NTN1: variants seen among roughly 807,000 people sequenced by gnomAD.
NTN1 encodes the protein netrin-1.
A neutral mutation model predicts 54.2 loss-of-function variants in NTN1; 11 were observed. That is an observed-to-expected ratio of 0.20 (90% CI 0.13 to 0.34). The LOEUF is 0.34. NTN1 is among the 10% of genes least tolerant of loss of function. The probability of loss-of-function intolerance (pLI) is 1.00; values close to 1 mark genes in which losing one functional copy is unlikely to be tolerated. For missense variants in NTN1, 740 were observed against 893.1 expected, an observed-to-expected ratio of 0.83 and a Z score of 2.18; for synonymous variants, 371 against 382.0, an observed-to-expected ratio of 0.97 and a Z score of 0.33.
chr17:9,053,241 G>A (rs1159576591), intron 2 of NTN1, among the ~76,000 whole-genome samples: 1 of 152,158 alleles, frequency 6.6e-6, no homozygotes, highest in Non-Finnish European at 1.5e-5. Flanking sequence ...CTTATTATCT[G>A]GCTCTTTACA....
In NTN1 at chr17:9,221,745, T is replaced by G. The variant is rs1905365681; in HGVS notation, c.1486+503T>G. Among the ~76,000 whole-genome samples the G allele has an allele frequency of 6.6e-6, 1 of 152,160 alleles. No homozygotes were observed. Among genetic ancestry groups the G allele is most frequent in the South Asian group, 2.1e-4 (1 of 4,824 alleles). On this transcript the variant is annotated intron_variant, in intron 6 of 6. Transcript: ENST00000173229. The surrounding 1 kb of genome is among the most constrained non-coding windows in gnomAD (Gnocchi z 4.5). ...ACCACTCATTCCCATGCACCGGAAG[T>G]TCCGCTGCCCAGACCCATGGAGCAG...
chr17:9,060,534 A>T (rs1490073465), intron 2 of NTN1, among the ~76,000 whole-genome samples: 1 of 152,202 alleles, frequency 6.6e-6, no homozygotes, highest in Non-Finnish European at 1.5e-5. Flanking sequence ...TGTGAATTTT[A>T]TAACAGAAGA....
At chr17:9,098,220 G>GTGACCCTGATGCGCCA (rs2092138434) in intron 2 of NTN1, among the ~76,000 whole-genome samples, 1 of 152,184 alleles carries the variant, frequency 6.6e-6, no homozygotes, top group Non-Finnish European at 1.5e-5. Flanking sequence ...ACCTGTTCGT[G>GTGACCCTGATGCGCCA]TGACCCTGAT....
At chr17:9,111,327 G>A (rs995364587) in intron 2 of NTN1, among the ~76,000 whole-genome samples, 4 of 152,190 alleles carry the variant, frequency 2.6e-5, no homozygotes, top group African/African-American at 9.7e-5. Flanking sequence ...GTTAGGTCAT[G>A]GACATATCTT....
intron 2 of NTN1, among the ~76,000 whole-genome samples, chr17:9,107,253 T>C (rs1007951146): frequency 1.3e-5 from 2 of 152,274 alleles, no homozygotes; most frequent in Non-Finnish European, 2.9e-5. Flanking sequence ...CCAACACTAA[T>C]GTCTGTACCA....
At chr17:9,170,896 A>C (rs2092385601) in intron 3 of NTN1, among the ~76,000 whole-genome samples, 1 of 132,416 alleles carries the variant, frequency 7.6e-6, no homozygotes, top group Admixed American at 8.3e-5. Context: ...ACACACACAC[A>C]CTGGGAATCA....
chr17:9,095,544 C>T (rs1257082243), intron 2 of NTN1, among the ~76,000 whole-genome samples: 1 of 152,198 alleles, frequency 6.6e-6, no homozygotes, highest in African/African-American at 2.4e-5. Flanking sequence ...TGGTCTGTTT[C>T]TGGAGTTCTT....
chr17:9,184,869 A>T (rs1178295773), intron 5 of NTN1, among the ~76,000 whole-genome samples: 1 of 152,252 alleles, frequency 6.6e-6, no homozygotes, highest in African/African-American at 2.4e-5. Flanking sequence ...GCTCCGCCAG[A>T]CAAAAGATTC....
the NTN1 span, among the ~76,000 whole-genome samples, chr17:9,013,377 C>T: frequency 2.0e-5 from 3 of 151,946 alleles, no homozygotes; most frequent in Non-Finnish European, 4.4e-5. Context: ...CCACCACACC[C>T]GGCTTATTTT....
At chr17:9,200,055 C>A (rs1904739314) in intron 5 of NTN1, among the ~76,000 whole-genome samples, 1 of 152,234 alleles carries the variant, frequency 6.6e-6, no homozygotes, top group Non-Finnish European at 1.5e-5. Context: ...GCTTAACCAG[C>A]CAAGCTAACC....
rs906001092 is a variant in NTN1 at position 9,221,695 on chromosome 17, C to T, written c.1486+453C>T. On this transcript the variant is annotated intron_variant, in intron 6 of 6. Coordinates refer to ENST00000173229, the MANE Select transcript of NTN1 (RefSeq NM_004822.3). This position sits in a 1 kb window ranked among gnomAD's most constrained non-coding sequence, Gnocchi z 4.5. ...GTGTTCCGCCAGGCTGTAGCGGGGC[C>T]GGGAGTCTGCGCTGTAAACGGCTCA... is the stretch of plus-strand genomic sequence containing the variant. 2.6e-5 allele frequency among the ~76,000 whole-genome samples: 4 copies of T among 152,220 alleles called. No homozygotes were observed. The highest frequency in any genetic ancestry group is 4.4e-5 in the Non-Finnish European group (3 of 68,044).
intron 2 of NTN1, among the ~76,000 whole-genome samples, chr17:9,103,964 C>G (rs2092158037): frequency 6.6e-6 from 1 of 151,618 alleles, no homozygotes; most frequent in Non-Finnish European, 1.5e-5. Flanking sequence ...TGGTGGATGC[C>G]TGTAGTCCCA....
At position 9,239,911 on chromosome 17, in the gene NTN1, G is replaced by A. The variant is rs1906131723; in HGVS notation, c.1758G>A (p.Ala586=). The part of the protein sequence containing the change: ...SLVIQWRDTW[A]RRLRKFQQRE... ...TGATCCAGTGGCGGGACACGTGGGCGCGGCGGCTGCGCAAGTTCCAGCAGC... is the reference window on the plus strand; with the variant it reads ...TGATCCAGTGGCGGGACACGTGGGCACGGCGGCTGCGCAAGTTCCAGCAGC... Residue 586 remains alanine, a synonymous_variant, in exon 7 of 7, where the codon GCG becomes GCA. Coordinates refer to ENST00000173229, the MANE Select transcript of NTN1 (RefSeq NM_004822.3). The surrounding 1 kb of genome is among the most constrained non-coding windows in gnomAD (Gnocchi z 5.2). 3 of 1,604,596 alleles carry A rather than the reference G, an allele frequency of 1.9e-6. No homozygotes were observed. The highest frequency in any genetic ancestry group is 2.2e-5 in the South Asian group (2 of 89,550).
At chr17:9,030,418 A>G (rs1021458316) in intron 2 of NTN1, among the ~76,000 whole-genome samples, 3 of 152,238 alleles carry the variant, frequency 2.0e-5, no homozygotes, top group African/African-American at 4.8e-5. Context: ...TTCACACTGC[A>G]GTGCATTGGT....
chr17:9,048,710 G>A, intron 2 of NTN1, among the ~76,000 whole-genome samples: 1 of 151,786 alleles, frequency 6.6e-6, no homozygotes, highest in East Asian at 1.9e-4. Context: ...AGGCTGGAGT[G>A]CAGTGGCGCA....
chr17:9,136,278 A>T (rs2092281063), intron 2 of NTN1, among the ~76,000 whole-genome samples: 1 of 152,228 alleles, frequency 6.6e-6, no homozygotes, highest in Non-Finnish European at 1.5e-5. Flanking sequence ...ACTGTTAAGA[A>T]AAGAGTATAG....
upstream of NTN1, among the ~76,000 whole-genome samples, chr17:9,020,069 C>G (rs927900357): frequency 2.6e-5 from 4 of 152,336 alleles, no homozygotes; most frequent in Admixed American, 2.6e-4. Context: ...GTGGCCGTCT[C>G]TCTGGGAGGC....
intron 5 of NTN1, among the ~76,000 whole-genome samples, chr17:9,187,830 C>CAA (rs145501658): frequency 4.8e-5 from 7 of 144,984 alleles, no homozygotes; most frequent in African/African-American, 1.8e-4. Context: ...GACCACATCT[C>CAA]AAAAAAAAAA....
At chr17:9,213,635 T>C (rs1167596364) in intron 5 of NTN1, among the ~76,000 whole-genome samples, 1 of 152,230 alleles carries the variant, frequency 6.6e-6, no homozygotes, top group East Asian at 1.9e-4. Flanking sequence ...ATAAAACTGC[T>C]TTTTTAAAGT....
Sources: allele counts gnomAD v4.1 joint callset (sites outside exome capture counted in the v4.1 genomes callset), GRCh38; gene constraint gnomAD v4.1.1; non-coding constraint Gnocchi (gnomAD v3.1); transcripts MANE v1.5; gene names NCBI Gene and HGNC (gene_info 2026-07-23, HGNC 2026-07-21).